PARD3: variants seen among roughly 807,000 people sequenced by gnomAD.
PARD3 encodes the protein partitioning defective 3 homolog.
A neutral mutation model predicts 155.4 loss-of-function variants in PARD3; 75 were observed. That is an observed-to-expected ratio of 0.48 (90% confidence interval 0.40 to 0.58). The LOEUF is 0.58. Among genes scored for constraint, PARD3 ranks in the 20% least tolerant of loss-of-function variants. The probability of loss-of-function intolerance (pLI) is 0.00; values close to 1 mark genes in which losing one functional copy is unlikely to be tolerated. For synonymous variants in PARD3, 576 were observed against 610.5 expected, an observed-to-expected ratio of 0.94 and a Z score of 0.83; for missense variants, 1,642 against 1,721.7, an observed-to-expected ratio of 0.95 and a Z score of 0.82.
chr10:34,640,626 T>C (rs892150912), intron 2 of PARD3, among the ~76,000 whole-genome samples: 4 of 142,548 alleles, frequency 2.8e-5, no homozygotes, highest in Admixed American at 7.8e-5. Context: ...ACGAGTTTGC[T>C]TGAAACCGGG....
chr10:34,575,783 C>A (rs2086836320), intron 2 of PARD3, among the ~76,000 whole-genome samples: 1 of 152,062 alleles, frequency 6.6e-6, no homozygotes, highest in Non-Finnish European at 1.5e-5. Flanking sequence ...GTAATCCCAG[C>A]TACTCAGGAG....
At chr10:34,765,801 T>C (rs1838014017) in intron 1 of PARD3, among the ~76,000 whole-genome samples, 1 of 152,168 alleles carries the variant, frequency 6.6e-6, no homozygotes, top group Non-Finnish European at 1.5e-5. Context: ...GTGGCTAACA[T>C]CTCTGCAGGG....
chr10:34,373,526 GT>G (rs1229916647), intron 11 of PARD3, among the ~76,000 whole-genome samples: 99 of 142,722 alleles, frequency 6.9e-4, no homozygotes, highest in East Asian at 2.2e-3. Context: ...AAAGCTAGTT[GT>G]TTTTTTTTTT....
intron 2 of PARD3, among the ~76,000 whole-genome samples, chr10:34,623,807 C>CCA (rs2091832893): frequency 1.3e-5 from 2 of 149,880 alleles, no homozygotes; most frequent in Admixed American, 1.3e-4. Context: ...CGGTGAAACC[C>CCA]TGACTCTACT....
chr10:34,240,297 T>A (rs1162213253), intron 22 of PARD3, among the ~76,000 whole-genome samples: 1 of 152,214 alleles, frequency 6.6e-6, no homozygotes, highest in Non-Finnish European at 1.5e-5. Flanking sequence ...GAGTATGATT[T>A]TATTTTCAGT....
chr10:34,324,317 T>C (rs1958553764), intron 19 of PARD3, among the ~76,000 whole-genome samples: 1 of 152,126 alleles, frequency 6.6e-6, no homozygotes, highest in African/African-American at 2.4e-5. Context: ...TTCCTGATGT[T>C]AAAAAAATAA....
At chr10:34,729,456 A>C (rs1420696048) in intron 1 of PARD3, among the ~76,000 whole-genome samples, 2 of 151,584 alleles carry the variant, frequency 1.3e-5, no homozygotes, top group African/African-American at 4.9e-5. Flanking sequence ...ACTTGAACCC[A>C]GCAGGCGGAG....
rs1345116706 is a variant in PARD3, at chr10:34,535,815, T to A, written c.223-18656A>T. On this transcript the variant is annotated intron_variant, in intron 2 of 24. Coordinates refer to ENST00000374788, the MANE Select transcript of PARD3 (RefSeq NM_001184785.2). ...TTAATGTTTAACCCACAATTATCTT[T>A]AAAAAAAAAAAAATAGTTAGGCTTT... Among the ~76,000 whole-genome samples, 46 of 147,700 alleles carry A rather than the reference T, an allele frequency of 3.1e-4. No individual in the cohort carries two copies. In the East Asian group the frequency reaches 8.3e-3, roughly 27 times the overall value.
intron 21 of PARD3, among the ~76,000 whole-genome samples, chr10:34,271,031 CT>C (rs1182624177): frequency 2.0e-5 from 3 of 152,064 alleles, no homozygotes; most frequent in Admixed American, 6.5e-5. Context: ...AAAATATCTC[CT>C]TTATATACTT....
Position 34,382,887 on chromosome 10 carries a change from G to C in PARD3, c.1052C>G (p.Pro351Arg). Residue 351 changes from proline (P) to arginine (R), a missense_variant, in exon 9 of 25, where the codon CCC becomes CGC. This residue lies in a region of PARD3 where 1,529 missense variants were observed against 1,587.3 expected (regional missense o/e 0.96). Transcript: ENST00000374788. Reference protein sequence around the residue: ...QHMFRQAMRTPIIWFHVVPAA... With the variant: ...QHMFRQAMRTRIIWFHVVPAA... ...AGGAACCACATGGAACCAAATGATG[G>C]GTGTACGCATGGCTTGGCGAAACAT... 2 of 1,614,056 alleles carry C rather than the reference G, an allele frequency of 1.2e-6. No homozygotes were observed. Among genetic ancestry groups the C allele is most frequent in the Non-Finnish European group, 1.7e-6 (2 of 1,180,000 alleles).
intron 2 of PARD3, among the ~76,000 whole-genome samples, chr10:34,648,827 A>C (rs554660520): frequency 6.6e-6 from 1 of 152,198 alleles, no homozygotes; most frequent in Non-Finnish European, 1.5e-5. Context: ...GAAGCCCAGC[A>C]ATCTCAGAGG....
intron 5 of PARD3, among the ~76,000 whole-genome samples, chr10:34,408,839 TATA>T (rs1844759146): frequency 6.7e-6 from 1 of 149,646 alleles, no homozygotes; most frequent in African/African-American, 2.4e-5. Context: ...TTAGATAAGA[TATA>T]ATAATATAAT....
At chr10:34,245,417 T>G (rs867951088) in intron 22 of PARD3, among the ~76,000 whole-genome samples, 1 of 152,046 alleles carries the variant, frequency 6.6e-6, no homozygotes, top group South Asian at 2.1e-4. Context: ...AAGTTGGACT[T>G]GATTCTGCCG....
intron 1 of PARD3, among the ~76,000 whole-genome samples, chr10:34,700,431 T>C (rs1305780602): frequency 6.6e-6 from 1 of 152,224 alleles, no homozygotes; most frequent in Admixed American, 6.5e-5. Context: ...ATGACATGTA[T>C]AATGCATAGG....
At chr10:34,694,444 G>T (rs1007994819) in intron 2 of PARD3, among the ~76,000 whole-genome samples, 11 of 143,634 alleles carry the variant, frequency 7.7e-5, no homozygotes, top group African/African-American at 2.8e-4. Flanking sequence ...AATAGCATCA[G>T]AACATAAGTC....
At chr10:34,449,497 C>T (rs180762834) in intron 5 of PARD3, among the ~76,000 whole-genome samples, 25 of 149,582 alleles carry the variant, frequency 1.7e-4, no homozygotes, top group Admixed American at 1.4e-3. Flanking sequence ...ATATACCTAA[C>T]GCTAAATGAC....
intron 7 of PARD3, among the ~76,000 whole-genome samples, chr10:34,388,096 T>C (rs1842525888): frequency 6.6e-6 from 1 of 152,060 alleles, no homozygotes; most frequent in Non-Finnish European, 1.5e-5. Flanking sequence ...GGCTGGGAGA[T>C]AGAGGGTGGA....
chr10:34,343,456 CATAG>C lies in PARD3; in HGVS notation c.2219-1644_2219-1641del. The C allele has an allele frequency of 7.1e-6, 7 of 980,510 alleles. No homozygotes were observed. In the South Asian group the frequency reaches 1.9e-4, roughly 26 times the overall value. 60.7% of individuals were successfully genotyped at this position (980,510 alleles called of 1,614,324 possible). A position where few individuals can be genotyped will look rare whatever the true frequency, so the allele number is the denominator to read the frequency against. On this transcript the variant is annotated intron_variant, in intron 15 of 24. Coordinates refer to ENST00000374788, the MANE Select transcript of PARD3 (RefSeq NM_001184785.2). ...AACTGTTGTGATACAATATTGTATA[CATAG>C]ATAAATGGCAAGAAATCTTCCTCAT...
intron 2 of PARD3, among the ~76,000 whole-genome samples, chr10:34,578,506 T>C (rs537138003): frequency 8.8e-4 from 134 of 152,356 alleles, no homozygotes; most frequent in African/African-American, 3.1e-3. Context: ...CAAGAGCAAC[T>C]AATATTTATT....
Sources: gnomAD v4.1 joint callset for allele counts (sites outside exome capture counted in the v4.1 genomes callset) on GRCh38, gnomAD v4.1.1 for gene constraint, gnomAD v4.1.1 regional missense constraint, MANE v1.5 for transcripts, NCBI Gene and HGNC (gene_info 2026-07-23, HGNC 2026-07-21) for gene names.